The following MAPKAP1 variants were observed in gnomAD, a reference collection of about 807,000 sequenced individuals.
MAPKAP1 encodes the protein MAPK associated protein 1, also known as target of rapamycin complex 2 subunit MAPKAP1.
MAPKAP1 carries 20 observed loss-of-function variants against 65.7 expected under a neutral mutation model. The ratio of observed to expected loss-of-function variants is 0.30; its 90% confidence interval spans 0.21 to 0.44. The LOEUF (loss-of-function observed/expected upper bound fraction) is 0.44. MAPKAP1 is among the 20% of genes least tolerant of loss of function. The pLI, the probability that MAPKAP1 is intolerant of heterozygous loss-of-function variation, is 1.00. For synonymous variants in MAPKAP1, 222 were observed against 244.3 expected, an observed-to-expected ratio of 0.91 and a Z score of 0.85; for missense variants, 423 against 648.0, an observed-to-expected ratio of 0.65 and a Z score of 3.77.
At chr9:125,620,101 GA>G (rs2131648610) in intron 4 of MAPKAP1, among the ~76,000 whole-genome samples, 1 of 152,330 alleles carries the variant, frequency 6.6e-6, no homozygotes, top group East Asian at 1.9e-4. Flanking sequence ...CTGAGGTCAG[GA>G]GTTGGAGACC....
chr9:125,593,382 C>A (rs1191613580), intron 4 of MAPKAP1, among the ~76,000 whole-genome samples: 1 of 152,102 alleles, frequency 6.6e-6, no homozygotes, highest in Non-Finnish European at 1.5e-5. Flanking sequence ...AAGAAAAGGG[C>A]AAGGCACAGT....
intron 1 of MAPKAP1, among the ~76,000 whole-genome samples, chr9:125,680,496 A>G (rs1344172399): frequency 1.3e-5 from 2 of 152,212 alleles, no homozygotes; most frequent in Admixed American, 6.5e-5. Flanking sequence ...GCAAAAATTG[A>G]GCTTTTTTCC....
chr9:125,693,438 T>C (rs1183340044), intron 1 of MAPKAP1, among the ~76,000 whole-genome samples: 1 of 148,344 alleles, frequency 6.7e-6, no homozygotes, highest in African/African-American at 2.5e-5. Context: ...TATATATATA[T>C]ATATACACAC....
intron 6 of MAPKAP1, among the ~76,000 whole-genome samples, chr9:125,547,443 G>A (rs1303229577): frequency 1.3e-5 from 2 of 152,136 alleles, no homozygotes; most frequent in African/African-American, 2.4e-5. Context: ...AACCTCAGCC[G>A]CATCCATGAA....
intron 7 of MAPKAP1, among the ~76,000 whole-genome samples, chr9:125,511,153 TATCATCATCACCATCATC>T (rs1471363531): frequency 1.4e-5 from 2 of 141,332 alleles, no homozygotes; most frequent in South Asian, 2.3e-4. Flanking sequence ...AAGTATCAGC[TATCATCATCACCATCATC>T]ATCATCATCA....
intron 1 of MAPKAP1, among the ~76,000 whole-genome samples, chr9:125,677,910 A>AT: frequency 6.6e-6 from 1 of 152,244 alleles, no homozygotes; most frequent in South Asian, 2.1e-4. Context: ...ATGTCCCAAA[A>AT]TAACACAATT....
At chr9:125,701,761 T>G (rs1350732529) in intron 1 of MAPKAP1, among the ~76,000 whole-genome samples, 1 of 152,190 alleles carries the variant, frequency 6.6e-6, no homozygotes, top group African/African-American at 2.4e-5. Context: ...ACAAGAAATC[T>G]GGTAGCATTT....
rs986196881 is a variant in MAPKAP1, at chr9:125,443,520, C to T, written c.1443+981G>A. ...GTCCAGGGCTACTCAGAGTGTGGTG[C>T]CCAGACCAGCGGCCAAAGCAGCATC... is the stretch of plus-strand genomic sequence containing the variant. On this transcript the variant is annotated intron_variant, in intron 11 of 11. Coordinates refer to ENST00000265960, the MANE Select transcript of MAPKAP1 (RefSeq NM_001006617.3). Among the ~76,000 whole-genome samples, 5 of 152,226 alleles carry T rather than the reference C, an allele frequency of 3.3e-5. No individual in the cohort carries two copies. In the East Asian group the frequency reaches 9.6e-4, roughly 29 times the overall value.
chr9:125,531,783 TATCA>T (rs1211473351), intron 7 of MAPKAP1, among the ~76,000 whole-genome samples: 1 of 152,226 alleles, frequency 6.6e-6, no homozygotes, highest in Non-Finnish European at 1.5e-5. Flanking sequence ...ATCACATATC[TATCA>T]ATCCATTTTT....
intron 1 of MAPKAP1, among the ~76,000 whole-genome samples, chr9:125,689,235 A>G (rs1288933234): frequency 6.6e-6 from 1 of 151,102 alleles, no homozygotes; most frequent in African/African-American, 2.4e-5. Flanking sequence ...CAGGAGATAG[A>G]GAACATCCTG....
At chr9:125,547,402 G>C (rs1269111052) in intron 6 of MAPKAP1, among the ~76,000 whole-genome samples, 5 of 152,150 alleles carry the variant, frequency 3.3e-5, no homozygotes, top group Admixed American at 3.3e-4. Flanking sequence ...TTGGTTCCGT[G>C]GCTAACGGAG....
intron 9 of MAPKAP1, 41 bp downstream of exon 9, chr9:125,484,402 C>T (rs986659996): frequency 6.4e-7 from 1 of 1,570,730 alleles, no homozygotes; most frequent in Non-Finnish European, 8.7e-7. Flanking sequence ...ACACCGACTG[C>T]TGACACGACA....
chr9:125,460,320 A>G (rs2132971822), intron 10 of MAPKAP1, among the ~76,000 whole-genome samples: 2 of 152,248 alleles, frequency 1.3e-5, no homozygotes, highest in South Asian at 4.2e-4. Flanking sequence ...AAAAAAAAAA[A>G]GTTGATACCC....
chr9:125,597,283 A>G (rs1832164839), intron 4 of MAPKAP1, among the ~76,000 whole-genome samples: 1 of 150,140 alleles, frequency 6.7e-6, no homozygotes, highest in East Asian at 2.0e-4. Flanking sequence ...AAAAAAAAAA[A>G]AAAAAAAAAG....
At chr9:125,632,230 A>G (rs1484907203) in intron 4 of MAPKAP1, among the ~76,000 whole-genome samples, 1 of 151,192 alleles carries the variant, frequency 6.6e-6, no homozygotes, top group African/African-American at 2.4e-5. Flanking sequence ...TCAAAGAAAA[A>G]AAAAAAAGAA....
At chr9:125,664,501 GATCACTT>G (rs2131776787) in intron 3 of MAPKAP1, among the ~76,000 whole-genome samples, 1 of 151,550 alleles carries the variant, frequency 6.6e-6, no homozygotes, top group South Asian at 2.1e-4. Flanking sequence ...GAGGCGAGAA[GATCACTT>G]GAGGTCAGGA....
At chr9:125,515,581 A>T (rs1357670534) in intron 7 of MAPKAP1, among the ~76,000 whole-genome samples, 1 of 152,256 alleles carries the variant, frequency 6.6e-6, no homozygotes, top group Non-Finnish European at 1.5e-5. Flanking sequence ...TTCTTCAGAC[A>T]TTTGGCCTCA....
At chr9:125,589,663 TAA>T (rs1179122058) in intron 4 of MAPKAP1, among the ~76,000 whole-genome samples, 1 of 152,238 alleles carries the variant, frequency 6.6e-6, no homozygotes, top group African/African-American at 2.4e-5. Flanking sequence ...AAGGAAATTA[TAA>T]AGTCAGTTTA....
At chr9:125,504,824 A>G (rs149374872) in intron 8 of MAPKAP1, among the ~76,000 whole-genome samples, 5 of 151,926 alleles carry the variant, frequency 3.3e-5, no homozygotes, top group South Asian at 2.1e-4. Flanking sequence ...CAAAACCAAA[A>G]CCAAAAACAT....
Sources: gnomAD v4.1 joint callset for allele counts (sites outside exome capture counted in the v4.1 genomes callset) on GRCh38, gnomAD v4.1.1 for gene constraint, MANE v1.5 for transcripts, NCBI Gene and HGNC (gene_info 2026-07-23, HGNC 2026-07-21) for gene names.